ARHGEF3: variants seen among roughly 807,000 people sequenced by gnomAD.
ARHGEF3 encodes the protein 59.8 kDA protein.
In ARHGEF3, 28 loss-of-function variants were observed where a neutral mutation model predicts 63.2. That is an observed-to-expected ratio of 0.44 (90% CI 0.33 to 0.61). The LOEUF (loss-of-function observed/expected upper bound fraction) is 0.61, where lower values mean the gene tolerates loss of function less well. ARHGEF3 is among the 20% of genes least tolerant of loss of function. The probability of loss-of-function intolerance (pLI) is 0.03; values close to 1 mark genes in which losing one functional copy is unlikely to be tolerated. For synonymous variants in ARHGEF3, 266 were observed against 254.2 expected, an observed-to-expected ratio of 1.05 and a Z score of -0.44; for missense variants, 533 against 659.3, an observed-to-expected ratio of 0.81 and a Z score of 2.10.
chr3:56,967,320 T>A (rs9840420), intron 2 of ARHGEF3, among the ~76,000 whole-genome samples: 1 of 57,040 alleles, frequency 1.8e-5, no homozygotes, highest in Non-Finnish European at 4.9e-5. Context: ...ATATTATATA[T>A]TATATATTAT....
At chr3:57,034,807 T>A (rs1703883217) in intron 2 of ARHGEF3, among the ~76,000 whole-genome samples, 1 of 151,702 alleles carries the variant, frequency 6.6e-6, no homozygotes. Context: ...CAGGCACACA[T>A]CACCATGCCT....
In ARHGEF3 at chr3:57,003,057, A is replaced by C. The variant is rs143539846; in HGVS notation, c.62+32031T>G. Among the ~76,000 whole-genome samples, 173 of 151,514 alleles carry C rather than the reference A, an allele frequency of 1.1e-3. 1 individual carries two copies. The highest frequency in any genetic ancestry group is 3.7e-3 in the African/African-American group (155 of 41,388). On this transcript the variant is annotated intron_variant, in intron 2 of 12. Transcript: ENST00000338458. ...AGTGCTGGGATTACAGGCGTGAGCC[A>C]CTGTGCCCAGGAAGTTCTATTTCTA...
intron 2 of ARHGEF3, among the ~76,000 whole-genome samples, chr3:57,027,306 A>G (rs1703515698): frequency 6.6e-6 from 1 of 152,172 alleles, no homozygotes; most frequent in African/African-American, 2.4e-5. Flanking sequence ...TCCCCTTGTC[A>G]CTGGCGCCAC....
At chr3:56,730,249 G>A (rs184726166) in intron 9 of ARHGEF3, among the ~76,000 whole-genome samples, 39 of 151,954 alleles carry the variant, frequency 2.6e-4, no homozygotes, top group Admixed American at 1.2e-3. Flanking sequence ...TATACACTTA[G>A]TATCCAATGA....
chr3:57,035,326 A>G, intron 1 of ARHGEF3: 1 of 478,720 alleles, frequency 2.1e-6, no homozygotes, highest in Non-Finnish European at 3.6e-6. Flanking sequence ...ATAATTATTC[A>G]AGTTTTATCA....
intron 2 of ARHGEF3, among the ~76,000 whole-genome samples, chr3:57,008,392 G>A (rs1443921695): frequency 2.6e-5 from 4 of 151,920 alleles, no homozygotes; most frequent in Non-Finnish European, 2.9e-5. Context: ...GTAACAGCCC[G>A]CTTGCCAAAC....
At chr3:56,868,881 G>A (rs967414144) in intron 4 of ARHGEF3, among the ~76,000 whole-genome samples, 2 of 152,162 alleles carry the variant, frequency 1.3e-5, no homozygotes, top group African/African-American at 4.8e-5. Context: ...CTTAAGTTTA[G>A]CTTCTTTCAG....
chr3:57,057,596 G>A (rs1202870395), intron 1 of ARHGEF3, among the ~76,000 whole-genome samples: 1 of 151,812 alleles, frequency 6.6e-6, no homozygotes, highest in East Asian at 1.9e-4. Flanking sequence ...GCCTGGCCCA[G>A]GGTAAGTCAC....
rs950551992 is a variant in ARHGEF3 at position 56,900,649 on chromosome 3, C to T, written c.130-18295G>A. ...TGTCTCAAAACAACACCACCACCAA[C>T]GGTTAAACCTAGATATTTTTCTACT... On this transcript the variant is annotated intron_variant, in intron 3 of 12. Coordinates refer to the ARHGEF3 transcript ENST00000338458. Among the ~76,000 whole-genome samples the T allele has an allele frequency of 5.9e-5, 9 of 152,190 alleles. 1 individual carries two copies. The highest frequency in any genetic ancestry group is 4.1e-4 in the South Asian group (2 of 4,828).
chr3:56,731,156 G>A (rs60269209), intron 9 of ARHGEF3, among the ~76,000 whole-genome samples: 45,881 of 152,070 alleles, frequency 0.3, 7,571 homozygotes, highest in South Asian at 0.51. Flanking sequence ...GGCAGTACAT[G>A]TTAATTACTT....
intron 2 of ARHGEF3, among the ~76,000 whole-genome samples, chr3:56,988,249 T>C (rs1468063196): frequency 1.3e-5 from 2 of 152,150 alleles, no homozygotes; most frequent in African/African-American, 2.4e-5. Flanking sequence ...CAGGTTCAAG[T>C]GATTCTCCTG....
At chr3:56,819,307 GTA>G (rs1342058914) in intron 4 of ARHGEF3, among the ~76,000 whole-genome samples, 2 of 152,160 alleles carry the variant, frequency 1.3e-5, no homozygotes, top group Admixed American at 6.5e-5. Context: ...AAAGCTTTGT[GTA>G]TCTTTGAACT....
At chr3:57,038,396 G>A (rs574283360) in intron 1 of ARHGEF3, among the ~76,000 whole-genome samples, 1 of 152,232 alleles carries the variant, frequency 6.6e-6, no homozygotes, top group South Asian at 2.1e-4. Flanking sequence ...TCCCTCTCAA[G>A]GTTGAGTGTT....
At chr3:56,950,003 C>G (rs1055708962) in intron 3 of ARHGEF3, among the ~76,000 whole-genome samples, 3 of 151,978 alleles carry the variant, frequency 2.0e-5, no homozygotes, top group African/African-American at 7.3e-5. Context: ...TGATCTTTGA[C>G]AAACCTGACA....
At chr3:56,963,848 A>G (rs781610084) in intron 2 of ARHGEF3, among the ~76,000 whole-genome samples, 12 of 152,198 alleles carry the variant, frequency 7.9e-5, no homozygotes, top group Non-Finnish European at 1.3e-4. Flanking sequence ...GCAGGTGTTT[A>G]GCCAGGTGAA....
chr3:56,885,166 C>T (rs1300781651), intron 3 of ARHGEF3, among the ~76,000 whole-genome samples: 1 of 152,262 alleles, frequency 6.6e-6, no homozygotes, highest in African/African-American at 2.4e-5. Flanking sequence ...GCAGCATGGG[C>T]GTCCTGCTGC....
intron 3 of ARHGEF3, chr3:56,916,213 T>C: frequency 2.1e-6 from 3 of 1,434,540 alleles, no homozygotes; most frequent in South Asian, 1.4e-5. Flanking sequence ...AAGAGAACAC[T>C]GCATCCTCCC....
intron 2 of ARHGEF3, among the ~76,000 whole-genome samples, chr3:56,962,368 C>T (rs1426179571): frequency 6.6e-6 from 1 of 152,242 alleles, no homozygotes; most frequent in African/African-American, 2.4e-5. Context: ...CTTGATGCTG[C>T]AGGTTTCCCA....
intron 2 of ARHGEF3, among the ~76,000 whole-genome samples, chr3:56,760,850 C>G (rs2035375216): frequency 6.6e-6 from 1 of 152,124 alleles, no homozygotes; most frequent in African/African-American, 2.4e-5. Flanking sequence ...GGAATAATGG[C>G]TGATATCTGA....
Sources: gnomAD v4.1 joint callset for allele counts (sites outside exome capture counted in the v4.1 genomes callset) on GRCh38, gnomAD v4.1.1 for gene constraint, MANE v1.5 for transcripts, NCBI Gene and HGNC (gene_info 2026-07-23, HGNC 2026-07-21) for gene names.